ATP13A5: variants seen among roughly 807,000 people sequenced by gnomAD.
The protein encoded by ATP13A5 is probable cation-transporting ATPase 13A5.
Under a neutral mutation model 150.2 loss-of-function variants are expected in ATP13A5, and 149 were observed. That is an observed-to-expected ratio of 0.99 (90% CI 0.87 to 1.14). The LOEUF is 1.14. Among genes scored for constraint, ATP13A5 ranks in the 50% most tolerant of loss-of-function variants. The pLI, the probability that ATP13A5 is intolerant of heterozygous loss-of-function variation, is 0.00. For missense variants in ATP13A5, 1,383 were observed against 1,449.3 expected, an observed-to-expected ratio of 0.95 and a Z score of 0.74; for synonymous variants, 497 against 522.2, an observed-to-expected ratio of 0.95 and a Z score of 0.66.
At chr3:193,342,154 TA>T (rs1007494770) in intron 9 of ATP13A5, among the ~76,000 whole-genome samples, 1 of 152,230 alleles carries the variant, frequency 6.6e-6, no homozygotes, top group Admixed American at 6.5e-5. Flanking sequence ...AAGTTATTTA[TA>T]AAATGTAAGT....
At chr3:193,276,356 T>C (rs946723182) in intron 29 of ATP13A5, among the ~76,000 whole-genome samples, 48 of 152,332 alleles carry the variant, frequency 3.2e-4, no homozygotes, top group African/African-American at 9.9e-4. Context: ...CAACGGCTTC[T>C]CCTCTTTCTT....
chr3:193,325,542 A>C (rs1719438510), intron 13 of ATP13A5, among the ~76,000 whole-genome samples: 1 of 152,212 alleles, frequency 6.6e-6, no homozygotes, highest in East Asian at 1.9e-4. Context: ...GGCACTGAAC[A>C]GGCAGCTGGG....
At chr3:193,283,614 AAGAAGCAC>A (rs1385223547) in intron 27 of ATP13A5, among the ~76,000 whole-genome samples, 1 of 152,138 alleles carries the variant, frequency 6.6e-6, no homozygotes, top group Non-Finnish European at 1.5e-5. Context: ...ATATAATATT[AAGAAGCAC>A]ACCCTCTCCA....
chr3:193,331,738 A>G (rs1460254352), intron 11 of ATP13A5, among the ~76,000 whole-genome samples: 1 of 152,206 alleles, frequency 6.6e-6, no homozygotes, highest in Non-Finnish European at 1.5e-5. Flanking sequence ...AGAAGCCAAT[A>G]TAAAATTAGC....
intron 1 of ATP13A5, among the ~76,000 whole-genome samples, chr3:193,365,956 G>C (rs994819539): frequency 1.3e-5 from 2 of 152,066 alleles, no homozygotes; most frequent in African/African-American, 4.8e-5. Flanking sequence ...ATCAAGAATT[G>C]TAAAGATATT....
intron 9 of ATP13A5, among the ~76,000 whole-genome samples, chr3:193,340,823 TTCTG>T (rs1712089762): frequency 6.6e-6 from 1 of 152,218 alleles, no homozygotes; most frequent in South Asian, 2.1e-4. Context: ...CTTTCATGTT[TTCTG>T]TCTCTGTCAC....
In ATP13A5 at chr3:193,274,872, G is replaced by A; in HGVS notation, c.*170C>T. ...CTCTCATTGGTAAAGCATACAGTCA[G>A]AATAAGCCTATCTAAGGTCCCTTGC... On this transcript the variant is annotated 3_prime_UTR_variant, in exon 30 of 30. Transcript: ENST00000342358. 1 of 864,292 alleles carries A rather than the reference G, an allele frequency of 1.2e-6. No individual in the cohort carries two copies. The highest frequency in any genetic ancestry group is 1.8e-6 in the Non-Finnish European group (1 of 553,232). The allele number at this position is 864,292 out of a possible 1,614,324, so 53.5% of individuals were successfully genotyped here.
intron 27 of ATP13A5, chr3:193,281,326 G>C (rs1440108226): frequency 2.7e-6 from 1 of 372,586 alleles, no homozygotes; most frequent in African/African-American, 2.2e-5. Flanking sequence ...TAAAAACTAG[G>C]TCTCGCCTGT....
In ATP13A5 at chr3:193,301,299, C is replaced by T. The variant is rs573530240; in HGVS notation, c.2687G>A (p.Arg896Gln). 2.8e-5 allele frequency: 45 copies of T among 1,609,512 alleles called. 1 individual carries two copies. The highest frequency in any genetic ancestry group is 1.8e-4 in the South Asian group (16 of 90,058). Residue 896 changes from arginine (R) to glutamine (Q), a missense_variant, in exon 24 of 30, where the codon CGA becomes CAA. By Grantham distance (43) the Arg-to-Gln change is conservative. Around this residue, in one of 3 missense-constraint regions of ATP13A5, gnomAD observed 568 missense variants for 621.5 expected, o/e 0.91. Coordinates refer to ENST00000342358, the MANE Select transcript of ATP13A5 (RefSeq NM_198505.4). ...TCCAAAGGATGAAACCAGAGCAGCT[C>T]GGCCTTCTCTGTTTAAAAAGAAATA... Reference protein sequence around the residue: ...QCVPHLIREGRAALVSSFGVF... With the variant: ...QCVPHLIREGQAALVSSFGVF...
chr3:193,322,038 C>A (rs1308003363), intron 15 of ATP13A5, among the ~76,000 whole-genome samples: 4 of 152,158 alleles, frequency 2.6e-5, no homozygotes, highest in African/African-American at 9.7e-5. Flanking sequence ...CAAGGACCTT[C>A]CCCTGGAGAA....
chr3:193,367,324 T>C (rs1713274535), intron 1 of ATP13A5, among the ~76,000 whole-genome samples: 1 of 152,078 alleles, frequency 6.6e-6, no homozygotes, highest in Non-Finnish European at 1.5e-5. Flanking sequence ...TTGTGTTTAT[T>C]ACAGAAAATT....
intron 14 of ATP13A5, chr3:193,323,634 G>C (rs950917154): frequency 1.3e-5 from 2 of 152,170 alleles, no homozygotes; most frequent in African/African-American, 2.4e-5. Flanking sequence ...TTCTGTTAAG[G>C]ACACTGCTTA....
chr3:193,305,233 G>C (rs1718564638), intron 23 of ATP13A5, among the ~76,000 whole-genome samples: 1 of 152,144 alleles, frequency 6.6e-6, no homozygotes, highest in South Asian at 2.1e-4. Context: ...CAAAATTCCT[G>C]AGAGAAATGT....
At chr3:193,306,797 A>T (rs1444453973) in intron 22 of ATP13A5, among the ~76,000 whole-genome samples, 1 of 152,250 alleles carries the variant, frequency 6.6e-6, no homozygotes, top group African/African-American at 2.4e-5. Flanking sequence ...ATAGCATAAA[A>T]TAACTAAATA....
At chr3:193,294,224 G>T (rs1010300225) in intron 25 of ATP13A5, among the ~76,000 whole-genome samples, 11 of 133,812 alleles carry the variant, frequency 8.2e-5, no homozygotes, top group Non-Finnish European at 6.4e-5. Flanking sequence ...TGGAAATAAA[G>T]AAAGTGACCT....
intron 27 of ATP13A5, among the ~76,000 whole-genome samples, chr3:193,283,361 A>G (rs1353864652): frequency 2.0e-5 from 3 of 152,186 alleles, no homozygotes; most frequent in Non-Finnish European, 2.9e-5. Context: ...AGACAATGGA[A>G]AAAAGATCAC....
intron 12 of ATP13A5, among the ~76,000 whole-genome samples, chr3:193,330,354 G>A (rs1359326138): frequency 1.3e-5 from 2 of 152,200 alleles, no homozygotes; most frequent in East Asian, 1.9e-4. Flanking sequence ...TACCAGCATT[G>A]TACACAGCAG....
chr3:193,364,609 C>A (rs1400690841), intron 1 of ATP13A5, among the ~76,000 whole-genome samples: 1 of 151,916 alleles, frequency 6.6e-6, no homozygotes. Flanking sequence ...TTTCTTTAGG[C>A]ATTAGTTATT....
chr3:193,374,067 C>G (rs1014918866), intron 1 of ATP13A5, among the ~76,000 whole-genome samples: 2 of 152,130 alleles, frequency 1.3e-5, no homozygotes, highest in Admixed American at 1.3e-4. Context: ...CTTCAGAAAG[C>G]AAATGCAGCC....
Sources: gnomAD v4.1 joint callset for allele counts (sites outside exome capture counted in the v4.1 genomes callset) on GRCh38, gnomAD v4.1.1 for gene constraint, gnomAD v4.1.1 regional missense constraint, MANE v1.5 for transcripts, NCBI Gene and HGNC (gene_info 2026-07-23, HGNC 2026-07-21) for gene names.